RGL4: variants seen among roughly 807,000 people sequenced by gnomAD.
RGL4 encodes ral-GDS-related protein.
Under a neutral mutation model 49.6 loss-of-function variants are expected in RGL4, and 41 were observed. The ratio of observed to expected loss-of-function variants is 0.83; its 90% CI spans 0.64 to 1.07. RGL4 has a LOEUF of 1.07. RGL4 is among the 50% of genes least tolerant of loss of function. RGL4 has a pLI of 0.00. For missense variants in RGL4, 610 were observed against 591.9 expected, an observed-to-expected ratio of 1.03 and a Z score of -0.32; for synonymous variants, 255 against 238.0, an observed-to-expected ratio of 1.07 and a Z score of -0.66.
At chr22:23,697,139 C>T in intron 7 of RGL4, 32 bp from the exon 8 acceptor site, 2 of 1,536,524 alleles carry the variant, frequency 1.3e-6, no homozygotes, top group Non-Finnish European at 1.8e-6. Flanking sequence ...TCACCACTAC[C>T]CCTCCCACCT....
Position 23,692,681 on chromosome 22 carries a change from G to T in RGL4, c.386G>T (p.Arg129Leu), listed in dbSNP as rs148215125. ...TCTCCTTTTCCAGATCCTGCTCCAC[G>T]TCCTGGGCAACACGCATTAACAATG... is the stretch of plus-strand genomic sequence containing the variant. ...NEAKPDDPAP[R>L]PGQHALTMPA... is the part of the protein sequence containing the mutation. Residue 129 changes from arginine to leucine, a missense_variant, in exon 3 of 11, where the codon CGT (arginine) becomes CTT (leucine). Arg to Leu is a moderately radical substitution (Grantham distance 102). Transcript: ENST00000290691. 1 of 1,600,498 alleles carries T rather than the reference G, an allele frequency of 6.2e-7. No homozygotes were observed. The highest frequency in any genetic ancestry group is 1.1e-5 in the South Asian group (1 of 90,228).
At position 23,693,993 on chromosome 22, in the gene RGL4, T is replaced by G; in HGVS notation, c.912+19T>G. 6.2e-7 allele frequency: 1 copy of G among 1,606,228 alleles called. No individual in the cohort carries two copies. Among genetic ancestry groups the G allele is most frequent in the Non-Finnish European group, 8.5e-7 (1 of 1,173,910 alleles). On this transcript the variant is annotated intron_variant, in intron 4 of 10. Transcript: ENST00000290691. ...GGCCAGGGTAAGCTATGGTTGGGCC[T>G]GGGGATTCCCTCTTTAAAAATGGGG... is the stretch of plus-strand genomic sequence containing the variant.
chr22:23,698,389 TA>T lies in RGL4; in HGVS notation c.1382+58del, dbSNP rs753560390. ...GAGAAGGCTCTCCATTTTTTTTTTT[TA>T]ACATGGTCTGGCTCTGTCGCCCAGG... On this transcript the variant is annotated intron_variant, in intron 10 of 10. Coordinates refer to ENST00000290691, the MANE Select transcript of RGL4 (RefSeq NM_153615.2). 3 of 1,530,010 alleles carry T rather than the reference TA, an allele frequency of 2.0e-6. No individual in the cohort carries two copies. In the Admixed American group the frequency reaches 5.5e-5, roughly 28 times the overall value. 94.8% of individuals were successfully genotyped at this position (1,530,010 alleles called of 1,614,324 possible).
chr22:23,694,588 C>G lies in RGL4; in HGVS notation c.1016+138C>G, dbSNP rs1171768809. On this transcript the variant is annotated intron_variant, in intron 5 of 10. Coordinates refer to ENST00000290691, the MANE Select transcript of RGL4 (RefSeq NM_153615.2). ...GCAGGGATGGGCCGGTGGCTGTGGT[C>G]ACTAAGCTGCCCTGGACTCCTAGGC... The G allele has an allele frequency of 8.9e-6, 6 of 673,432 alleles. No individual in the cohort carries two copies. In the African/African-American group the frequency reaches 1.1e-4, roughly 12 times the overall value. 41.7% of individuals were successfully genotyped at this position (673,432 alleles called of 1,614,324 possible).
intron 8 of RGL4, 68 bp from the exon 9 acceptor site, chr22:23,697,770 T>C: frequency 6.6e-7 from 1 of 1,525,888 alleles, no homozygotes; most frequent in South Asian, 1.2e-5. Context: ...TAGTGCAGCA[T>C]GGGAAGGGGT....
Position 23,694,386 on chromosome 22 carries a change from A to G in RGL4, c.952A>G (p.Ile318Val), listed in dbSNP as rs774865464. 4 of 1,614,072 alleles carry G rather than the reference A, an allele frequency of 2.5e-6. No homozygotes were observed. The highest frequency in any genetic ancestry group is 2.7e-5 in the African/African-American group (2 of 75,048). The change falls in exon 5 of 11, where the codon ATC becomes GTC. Residue 318 changes from isoleucine to valine, a missense_variant. Physicochemically the swap from Ile to Val is conservative, Grantham distance 29. Transcript: ENST00000290691. ...SLNNFSSVHVIVSALCSNPIG... is the reference protein window; with the variant it reads ...SLNNFSSVHVVVSALCSNPIG... ...CAACAACTTCTCCTCGGTGCACGTC[A>G]TCGTCTCTGCTCTGTGCAGCAACCC...
intron 10 of RGL4, 115 bp from the exon 11 acceptor site, chr22:23,698,729 T>A: frequency 4.5e-6 from 6 of 1,320,078 alleles, no homozygotes; most frequent in East Asian, 2.5e-5. Context: ...ACGGCCAGCA[T>A]CAAGCCCTGT....
At position 23,692,885 on chromosome 22, in the gene RGL4, C is replaced by T; in HGVS notation, c.590C>T (p.Ser197Phe). ...GAGCCACAGTCAGCCCCAGAGTCCT[C>T]CTGTCCCTGTCGTGGGTCTGTAAAG... is the stretch of plus-strand genomic sequence containing the variant. ...VLEPQSAPES[S>F]CPCRGSVKNQ... Residue 197 changes from serine (S) to phenylalanine (F), a missense_variant, in exon 3 of 11, where the codon TCC (serine) becomes TTC (phenylalanine). Coordinates refer to ENST00000290691, the MANE Select transcript of RGL4 (RefSeq NM_153615.2). The T allele has an allele frequency of 6.2e-7, 1 of 1,613,662 alleles. No homozygotes were observed. The highest frequency in any genetic ancestry group is 8.5e-7 in the Non-Finnish European group (1 of 1,180,040).
Position 23,692,099 on chromosome 22 carries a change from C to T in RGL4, c.69C>T (p.Leu23=). The part of the protein sequence containing the change: ...VLSAQVYSAV[L]QGLWEENVCG... ...GTGCCCAGGTGTACAGTGCTGTGCT[C>T]CAGGGCCTTTGGGAAGAGAATGTCT... Residue 23 remains leucine, a synonymous_variant, in exon 1 of 11, where the codon CTC becomes CTT. Coordinates refer to ENST00000290691, the MANE Select transcript of RGL4 (RefSeq NM_153615.2). The T allele has an allele frequency of 6.2e-7, 1 of 1,614,148 alleles. No homozygotes were observed. Among genetic ancestry groups the T allele is most frequent in the South Asian group, 1.1e-5 (1 of 91,086 alleles).
chr22:23,694,490 T>TGTGAGTCCCTAGGTCA, intron 5 of RGL4, 40 bp downstream of exon 5: 1 of 1,416,778 alleles, frequency 7.1e-7, no homozygotes, highest in Non-Finnish European at 9.9e-7. Flanking sequence ...AGGGTTGACC[T>TGTGAGTCCCTAGGTCA]AGGGACTCAC....
rs1244681093 is a variant in RGL4, at chr22:23,692,666, C to T, written c.374-3C>T. The T allele has an allele frequency of 1.9e-6, 3 of 1,587,330 alleles. No individual in the cohort carries two copies. The highest frequency in any genetic ancestry group is 2.6e-6 in the Non-Finnish European group (3 of 1,163,800). On this transcript the variant is annotated splice_region_variant and splice_polypyrimidine_tract_variant and intron_variant, in intron 2 of 10. Transcript: ENST00000290691. Reference sequence around the variant, plus strand: ...GGTGTGGTGACCTTTTCTCCTTTTCCAGATCCTGCTCCACGTCCTGGGCAA... The same window carrying T: ...GGTGTGGTGACCTTTTCTCCTTTTCTAGATCCTGCTCCACGTCCTGGGCAA...
chr22:23,697,771 G>C, intron 8 of RGL4, 67 bp from the exon 9 acceptor site: 1 of 1,544,900 alleles, frequency 6.5e-7, no homozygotes, highest in Non-Finnish European at 8.8e-7. Flanking sequence ...AGTGCAGCAT[G>C]GGAAGGGGTG....
chr22:23,694,391 C>G lies in RGL4; in HGVS notation c.957C>G (p.Val319=). 1 of 1,614,108 alleles carries G rather than the reference C, an allele frequency of 6.2e-7. No individual in the cohort carries two copies. ...ACTTCTCCTCGGTGCACGTCATCGT[C>G]TCTGCTCTGTGCAGCAACCCAATAG... ...LNNFSSVHVI[V]SALCSNPIGQ... is the part of the protein sequence containing the mutation. Residue 319 remains valine, a synonymous_variant, in exon 5 of 11, where the codon GTC becomes GTG. Coordinates refer to ENST00000290691, the MANE Select transcript of RGL4 (RefSeq NM_153615.2).
At chr22:23,695,553 A>C (rs1923436527) in intron 6 of RGL4, 2 of 435,066 alleles carry the variant, frequency 4.6e-6, no homozygotes, top group South Asian at 1.7e-5. Context: ...GAGGAAGCTC[A>C]TGTGGCAGGG....
rs375079072 is a variant in RGL4 at position 23,698,880 on chromosome 22, G to A, written c.1419G>A (p.Pro473=). The A allele has an allele frequency of 3.0e-5, 48 of 1,612,860 alleles. No individual in the cohort carries two copies. Among genetic ancestry groups the A allele is most frequent in the East Asian group, 8.9e-5 (4 of 44,860 alleles). ...CCTGCCAGCTGGAGCCCGAAAACCC[G>A]TAGGCTGGCAACATCCTGCAGTGGC... ...KLSCQLEPEN[P] Residue 473 remains proline (P), a synonymous_variant, in exon 11 of 11, where the codon CCG becomes CCA. Coordinates refer to ENST00000290691, the MANE Select transcript of RGL4 (RefSeq NM_153615.2).
Position 23,697,181 on chromosome 22 carries a change from C to T in RGL4, c.1172C>T (p.Pro391Leu), listed in dbSNP as rs1245887174. ...RLRRQKKGVV[P>L]FLGDFLTELQ... is the part of the protein sequence containing the mutation. ...CCCTCCTTGGCACAGGGTGTGGTCC[C>T]CTTCCTGGGGGATTTTCTGACTGAG... The change falls in exon 8 of 11, where the codon CCC (proline) becomes CTC (leucine). Residue 391 changes from proline (P) to leucine (L), a missense_variant. By Grantham distance (98) the Pro-to-Leu change is moderately conservative. Coordinates refer to ENST00000290691, the MANE Select transcript of RGL4 (RefSeq NM_153615.2). The T allele has an allele frequency of 6.0e-5, 96 of 1,613,208 alleles. No homozygotes were observed. Among genetic ancestry groups the T allele is most frequent in the Non-Finnish European group, 8.1e-5 (95 of 1,179,452 alleles).
At position 23,692,034 on chromosome 22, in the gene RGL4, A is replaced by G; in HGVS notation, c.4A>G (p.Arg2Gly). The G allele has an allele frequency of 6.2e-7, 1 of 1,613,196 alleles. No homozygotes were observed. ...GGGACCCAGATCTGGAGCTTTGATGAGGAAGCTGCTCACAAATCTGCCTGC... is the reference window on the plus strand; with the variant it reads ...GGGACCCAGATCTGGAGCTTTGATGGGGAAGCTGCTCACAAATCTGCCTGC... Reference protein sequence around the residue: MRKLLTNLPAAA... With the variant: MGKLLTNLPAAA... The change falls in exon 1 of 11, where the codon AGG (arginine) becomes GGG (glycine). Residue 2 changes from arginine (R) to glycine (G), a missense_variant. Physicochemically the swap from Arg to Gly is moderately radical, Grantham distance 125. Transcript: ENST00000290691.
intron 10 of RGL4, 91 bp from the exon 11 acceptor site, chr22:23,698,753 C>A (rs1057134883): frequency 2.1e-6 from 3 of 1,462,608 alleles, no homozygotes; most frequent in Non-Finnish European, 1.8e-6. Flanking sequence ...ATGGGGACCA[C>A]TGGGGACCCA....
chr22:23,693,663 A>G (rs2123856739), intron 3 of RGL4, 96 bp from the exon 4 acceptor site: 1 of 976,232 alleles, frequency 1.0e-6, no homozygotes, highest in East Asian at 2.5e-5. Flanking sequence ...CCTGCCAGAG[A>G]CCGTGGATGA....
Sources: gnomAD v4.1 joint callset for allele counts on GRCh38, gnomAD v4.1.1 for gene constraint, MANE v1.5 for transcripts, NCBI Gene and HGNC (gene_info 2026-07-23, HGNC 2026-07-21) for gene names.